FTSJ1: variants seen among roughly 807,000 people sequenced by gnomAD.
The protein encoded by FTSJ1 is tRNA (cytidine(32)/guanosine(34)-2'-O)-methyltransferase.
FTSJ1 carries 3 observed loss-of-function variants against 28.5 expected under a neutral mutation model. That is an observed-to-expected ratio of 0.11 (90% CI 0.05 to 0.27). The LOEUF (loss-of-function observed/expected upper bound fraction) is 0.27, where lower values mean the gene tolerates loss of function less well. Ranked by LOEUF, FTSJ1 falls within the 10% of genes least tolerant of loss-of-function variation. The pLI, the probability that FTSJ1 is intolerant of heterozygous loss-of-function variation, is 1.00. For missense variants in FTSJ1, 162 were observed against 279.0 expected (o/e 0.58, Z 2.99); for synonymous variants, 104 against 113.9 (o/e 0.91, Z 0.55).
intron 5 of FTSJ1, among the ~76,000 whole-genome samples, chrX:48,480,810 G>A (rs1370245738): frequency 1.8e-5 from 2 of 111,305 alleles, no homozygotes; most frequent in Non-Finnish European, 3.8e-5. Context: ...GATGAGATGG[G>A]GAGGATGGTG....
Position 48,481,431 on chromosome X carries a change from C to G in FTSJ1, c.474C>G (p.Phe158Leu). ...TTTGCCTTCTCACCCTGCAGATATTCCGAGGCCGGGATGTGACGCTCCTCT... is the reference window on the plus strand; with the variant it reads ...TTTGCCTTCTCACCCTGCAGATATTGCGAGGCCGGGATGTGACGCTCCTCT... The part of the protein sequence containing the change: ...KPGGCFVAKI[F>L]RGRDVTLLYS... Residue 158 changes from phenylalanine to leucine, a missense_variant, in exon 8 of 13, where the codon TTC (phenylalanine) becomes TTG (leucine). Phe to Leu is a conservative substitution (Grantham distance 22). Transcript: ENST00000348411. 1 of 1,211,182 alleles carries G rather than the reference C, an allele frequency of 8.3e-7. No individual in the cohort carries two copies. The highest frequency in any genetic ancestry group is 1.1e-6 in the Non-Finnish European group (1 of 894,687).
chrX:48,481,049 A>G, intron 5 of FTSJ1, 102 bp from the exon 6 acceptor site: 1 of 733,247 alleles, frequency 1.4e-6, no homozygotes, highest in Non-Finnish European at 2.1e-6. Flanking sequence ...GAACCTTAGC[A>G]GTAAGACAGC....
Position 48,482,489 on chromosome X carries a change from C to T in FTSJ1, c.742C>T (p.Arg248Cys), listed in dbSNP as rs1135401942. Residue 248 changes from arginine (R) to cysteine (C), a missense_variant, in exon 10 of 13, where the codon CGC becomes TGC. Physicochemically the swap from Arg to Cys is radical, Grantham distance 180. Coordinates refer to ENST00000348411, the MANE Select transcript of FTSJ1 (RefSeq NM_012280.4). ...CGDLSSYDSD[R>C]SYPLDLEGGS... is the part of the protein sequence containing the mutation. Reference sequence around the variant, plus strand: ...GGACCTGAGCTCCTATGATTCGGACCGCAGTTACCCACTGGACGTGAGTGC... The same window carrying T: ...GGACCTGAGCTCCTATGATTCGGACTGCAGTTACCCACTGGACGTGAGTGC... 9.2e-6 allele frequency: 11 copies of T among 1,199,326 alleles called. No homozygotes were observed. Among genetic ancestry groups the T allele is most frequent in the South Asian group, 3.6e-5 (2 of 56,271 alleles).
intron 12 of FTSJ1, chrX:48,483,297 C>T: frequency 2.6e-6 from 1 of 379,863 alleles, no homozygotes; most frequent in Non-Finnish European, 4.6e-6. Flanking sequence ...TCTTGGCTCT[C>T]ACAGTACTTC....
intron 12 of FTSJ1, among the ~76,000 whole-genome samples, chrX:48,483,701 G>A (rs1189810639): frequency 1.8e-5 from 2 of 111,071 alleles, no homozygotes; most frequent in African/African-American, 6.5e-5. Context: ...GCCCAGGCTG[G>A]TCTCGATCTA....
intron 6 of FTSJ1, 38 bp downstream of exon 6, chrX:48,481,241 C>G (rs1556968406): frequency 1.7e-6 from 2 of 1,203,521 alleles, no homozygotes; most frequent in African/African-American, 3.5e-5. Flanking sequence ...ACTTTGGCCC[C>G]CTCCTGGCTG....
At chrX:48,481,777 C>T (rs1290676721) in intron 9 of FTSJ1, 62 bp downstream of exon 9, 1 of 711,831 alleles carries the variant, frequency 1.4e-6, no homozygotes, top group East Asian at 3.3e-5. Flanking sequence ...ATCTAGGTCC[C>T]ATGAGGGCCC....
chrX:48,480,254 TGACTTAACAGCAGA>T (rs2061560221), intron 5 of FTSJ1, among the ~76,000 whole-genome samples: 1 of 111,018 alleles, frequency 9.0e-6, no homozygotes, highest in African/African-American at 3.3e-5. Flanking sequence ...AAGGCCTCAC[TGACTTAACAGCAGA>T]GACTAAAGGA....
chrX:48,482,733 G>C lies in FTSJ1; in HGVS notation c.896G>C (p.Arg299Thr), dbSNP rs782626112. The C allele has an allele frequency of 8.3e-7, 1 of 1,209,574 alleles. No homozygotes were observed. The highest frequency in any genetic ancestry group is 1.8e-5 in the South Asian group (1 of 56,673). ...CGCCCCCAGGACTGCCCCATCAGCA[G>C]AGTGGACACGTTTCCCCAGCCCCTG... ...EIRPQDCPIS[R>T]VDTFPQPLAA... The change falls in exon 11 of 13, where the codon AGA (arginine) becomes ACA (threonine). Residue 299 changes from arginine (R) to threonine (T), a missense_variant. Physicochemically the swap from Arg to Thr is moderately conservative, Grantham distance 71. Coordinates refer to ENST00000348411, the MANE Select transcript of FTSJ1 (RefSeq NM_012280.4).
In FTSJ1 at chrX:48,482,680, G is replaced by A; in HGVS notation, c.843G>A (p.Lys281=). The A allele has an allele frequency of 4.1e-6, 5 of 1,206,450 alleles. No individual in the cohort carries two copies. In the South Asian group the frequency reaches 8.9e-5, roughly 21 times the overall value. The change falls in exon 11 of 13, where the codon AAG becomes AAA. Residue 281 remains lysine, a synonymous_variant. Transcript: ENST00000348411. The part of the protein sequence containing the change: ...SPPYQEACTL[K]RKGQLAKEIR... ...CATACCAGGAGGCCTGCACGTTGAAGAGGAAGGGGCAGCTGGCCAAGGAGA... is the reference window on the plus strand; with the variant it reads ...CATACCAGGAGGCCTGCACGTTGAAAAGGAAGGGGCAGCTGGCCAAGGAGA...
At chrX:48,476,649 A>G (rs2061533884) in intron 1 of FTSJ1, 2 of 153,071 alleles carry the variant, frequency 1.3e-5, no homozygotes, top group Non-Finnish European at 2.5e-5. Context: ...GGTGGTCCCG[A>G]TGGAGCTATC....
At chrX:48,479,633 G>A (rs782183152) in intron 5 of FTSJ1, among the ~76,000 whole-genome samples, 6 of 112,336 alleles carry the variant, frequency 5.3e-5, no homozygotes, top group South Asian at 3.7e-4. Flanking sequence ...GAGGTGAGAG[G>A]AACACTTGAG....
chrX:48,478,458 G>A lies in FTSJ1; in HGVS notation c.131G>A (p.Arg44Gln), dbSNP rs782329844. The change falls in exon 3 of 13, where the codon CGG (arginine) becomes CAG (glutamine). Residue 44 changes from arginine (R) to glutamine (Q), a missense_variant. Arg to Gln is a conservative substitution (Grantham distance 43). Transcript: ENST00000348411. ...KEFQLFQGVT[R>Q]AVDLCAAPGS... is the part of the protein sequence containing the mutation. Reference sequence around the variant, plus strand: ...CACTATGTATGCCCAGGCGTGACACGGGCAGTTGACCTGTGTGCAGCCCCA... The same window carrying A: ...CACTATGTATGCCCAGGCGTGACACAGGCAGTTGACCTGTGTGCAGCCCCA... 11 of 1,209,198 alleles carry A rather than the reference G, an allele frequency of 9.1e-6. No individual in the cohort carries two copies. Among genetic ancestry groups the A allele is most frequent in the African/African-American group, 5.2e-5 (3 of 57,772 alleles).
intron 5 of FTSJ1, 58 bp downstream of exon 5, chrX:48,479,174 G>C: frequency 1.3e-6 from 1 of 742,782 alleles, no homozygotes; most frequent in Non-Finnish European, 2.1e-6. Flanking sequence ...GTCCTTCTCT[G>C]TATCTCCCAC....
At position 48,478,525 on chromosome X, in the gene FTSJ1, G is replaced by A. The variant is rs782312736; in HGVS notation, c.191+7G>A. The A allele has an allele frequency of 8.3e-7, 1 of 1,206,952 alleles. No individual in the cohort carries two copies. The highest frequency in any genetic ancestry group is 1.7e-5 in the African/African-American group (1 of 57,189). On this transcript the variant is annotated splice_region_variant and intron_variant, in intron 3 of 12. Coordinates refer to ENST00000348411, the MANE Select transcript of FTSJ1 (RefSeq NM_012280.4). ...TGCTGAGCCAGAAGATCGGGTAAGT[G>A]TGGGGGTCCCAGATGGGAGACCCAG...
At chrX:48,481,121 AC>A (rs782750713) in intron 5 of FTSJ1, 29 bp from the exon 6 acceptor site, 14 of 1,176,726 alleles carry the variant, frequency 1.2e-5, no homozygotes, top group Admixed American at 2.2e-5. Flanking sequence ...GCCAGATGGG[AC>A]CCCCCTAACG....
chrX:48,482,870 TGG>T, intron 11 of FTSJ1, 76 bp downstream of exon 11: 2 of 1,208,621 alleles, frequency 1.7e-6, no homozygotes, highest in Non-Finnish European at 2.2e-6. Context: ...TCATGGTTTC[TGG>T]GGCCAAAATT....
intron 5 of FTSJ1, among the ~76,000 whole-genome samples, chrX:48,480,585 A>G (rs1346309231): frequency 9.1e-6 from 1 of 109,989 alleles, no homozygotes; most frequent in Non-Finnish European, 1.9e-5. Context: ...TTGGGCTACT[A>G]TGAGCTGTGT....
chrX:48,476,472 G>A, intron 1 of FTSJ1, 76 bp downstream of exon 1: 1 of 289,839 alleles, frequency 3.5e-6, no homozygotes, highest in Non-Finnish European at 6.1e-6. Flanking sequence ...CGCCTGCGGG[G>A]AAAGGAGGGA....
Sources: gnomAD v4.1 joint callset for allele counts (sites outside exome capture counted in the v4.1 genomes callset) on GRCh38, gnomAD v4.1.1 for gene constraint, MANE v1.5 for transcripts, NCBI Gene and HGNC (gene_info 2026-07-23, HGNC 2026-07-21) for gene names.